Variants in ALPK1 observed in about 807,000 individuals in gnomAD.
ALPK1 encodes alpha-protein kinase 1.
ALPK1 carries 110 observed loss-of-function variants against 120.6 expected under a neutral mutation model. That is an observed-to-expected ratio of 0.91 (90% CI 0.78 to 1.07). The LOEUF is 1.07. Among genes scored for constraint, ALPK1 ranks in the 50% least tolerant of loss-of-function variants. ALPK1 has a pLI of 0.00. For synonymous variants in ALPK1, 582 were observed against 560.3 expected (o/e 1.04, Z -0.55); for missense variants, 1,498 against 1,483.9 (o/e 1.01, Z -0.16).
chr4:112,431,056 G>C lies in ALPK1; in HGVS notation c.1509G>C (p.Val503=). ...LKTEIKNIDT[V]STTQEKPHCQ... is the part of the protein sequence containing the mutation. ...CAGAAATAAAAAACATAGATACTGT[G>C]AGTACTACTCAAGAAAAGCCACATT... Residue 503 remains valine (V), a synonymous_variant, in exon 11 of 16, where the codon GTG becomes GTC. Coordinates refer to ENST00000650871, the MANE Select transcript of ALPK1 (RefSeq NM_025144.4). 1 of 1,614,178 alleles carries C rather than the reference G, an allele frequency of 6.2e-7. No homozygotes were observed. Among genetic ancestry groups the C allele is most frequent in the Non-Finnish European group, 8.5e-7 (1 of 1,180,032 alleles).
At chr4:112,344,031 T>C (rs1729996038) in intron 2 of ALPK1, among the ~76,000 whole-genome samples, 1 of 152,226 alleles carries the variant, frequency 6.6e-6, no homozygotes, top group Non-Finnish European at 1.5e-5. Flanking sequence ...TTGGTGCATA[T>C]TAACAAGAAA....
At chr4:112,349,924 A>G (rs913599194) in intron 2 of ALPK1, among the ~76,000 whole-genome samples, 1 of 152,160 alleles carries the variant, frequency 6.6e-6, no homozygotes, top group African/African-American at 2.4e-5. Context: ...TAAGCATGGT[A>G]TTTTAGGCTC....
chr4:112,390,528 T>A (rs1338883334), intron 4 of ALPK1, among the ~76,000 whole-genome samples: 1 of 152,224 alleles, frequency 6.6e-6, no homozygotes, highest in African/African-American at 2.4e-5. Flanking sequence ...CAGGGCCTTA[T>A]CTGTGTTCAC....
At chr4:112,429,663 G>A (rs1490226101) in intron 10 of ALPK1, among the ~76,000 whole-genome samples, 1 of 151,990 alleles carries the variant, frequency 6.6e-6, no homozygotes, top group African/African-American at 2.4e-5. Context: ...GTGAGACTTT[G>A]TCTCTACAAA....
intron 2 of ALPK1, among the ~76,000 whole-genome samples, chr4:112,336,749 C>T (rs1445043709): frequency 1.3e-5 from 2 of 152,010 alleles, no homozygotes; most frequent in East Asian, 3.8e-4. Context: ...TTATGCTGGC[C>T]TTATAAAATG....
chr4:112,298,956 C>A (rs894888478), intron 1 of ALPK1, among the ~76,000 whole-genome samples: 9 of 152,084 alleles, frequency 5.9e-5, no homozygotes, highest in Non-Finnish European at 1.0e-4. Flanking sequence ...AGAATGATGG[C>A]TTTTTGGCAT....
At chr4:112,433,932 C>G (rs73841030) in intron 11 of ALPK1, among the ~76,000 whole-genome samples, 138 of 152,272 alleles carry the variant, frequency 9.1e-4, no homozygotes, top group African/African-American at 3.1e-3. Context: ...CTTATCACCT[C>G]TCTGGTGATT....
chr4:112,408,203 C>T (rs191027081), intron 4 of ALPK1, among the ~76,000 whole-genome samples: 1 of 152,174 alleles, frequency 6.6e-6, no homozygotes, highest in African/African-American at 2.4e-5. Flanking sequence ...TATCTGAGTA[C>T]CCCCCAAGGT....
At chr4:112,345,957 G>T (rs149715045) in intron 2 of ALPK1, among the ~76,000 whole-genome samples, 4 of 152,242 alleles carry the variant, frequency 2.6e-5, no homozygotes, top group Non-Finnish European at 5.9e-5. Flanking sequence ...TTTGTCTCCC[G>T]GGTTCAAGCA....
intron 4 of ALPK1, among the ~76,000 whole-genome samples, chr4:112,407,120 A>T (rs1211486865): frequency 6.6e-6 from 1 of 152,220 alleles, no homozygotes; most frequent in African/African-American, 2.4e-5. Context: ...CTTCACCCTT[A>T]CAGTAGAATG....
At chr4:112,428,715 G>A (rs1734385504) in intron 9 of ALPK1, among the ~76,000 whole-genome samples, 1 of 152,152 alleles carries the variant, frequency 6.6e-6, no homozygotes, top group Admixed American at 6.5e-5. Flanking sequence ...GCTCCTTGAG[G>A]GCTCACTGTC....
intron 1 of ALPK1, among the ~76,000 whole-genome samples, chr4:112,300,041 T>A (rs1240995418): frequency 1.3e-5 from 2 of 152,138 alleles, no homozygotes; most frequent in Non-Finnish European, 2.9e-5. Context: ...GGGGAAATAA[T>A]TCTAGACAAG....
At chr4:112,358,129 C>G in intron 2 of ALPK1, 2 of 606,312 alleles carry the variant, frequency 3.3e-6, no homozygotes, top group Non-Finnish European at 3.1e-6. Flanking sequence ...GGGCTGGGGG[C>G]CAGTTCCTCT....
intron 1 of ALPK1, among the ~76,000 whole-genome samples, chr4:112,313,337 A>G (rs959430695): frequency 2.0e-4 from 31 of 152,204 alleles, no homozygotes; most frequent in African/African-American, 7.0e-4. Flanking sequence ...ACAGGAGGAA[A>G]ACCAAGAGAG....
At chr4:112,374,631 T>TATGATCATTC (rs1268470377) in intron 2 of ALPK1, among the ~76,000 whole-genome samples, 1 of 152,224 alleles carries the variant, frequency 6.6e-6, no homozygotes, top group African/African-American at 2.4e-5. Context: ...CACTATAAGC[T>TATGATCATTC]ATAGCCTTAT....
chr4:112,357,946 G>A, intron 2 of ALPK1: 1 of 801,534 alleles, frequency 1.2e-6, no homozygotes. Flanking sequence ...AGCAAGGATT[G>A]CCTCCCCCGG....
chr4:112,425,518 A>G (rs1160555429), intron 6 of ALPK1, 147 bp from the exon 7 acceptor site: 20 of 620,184 alleles, frequency 3.2e-5, no homozygotes, highest in South Asian at 9.4e-5. Context: ...GACTACAGCA[A>G]GAAGTTTGGA....
At chr4:112,301,905 C>A (rs1173043087) in intron 1 of ALPK1, among the ~76,000 whole-genome samples, 2 of 152,052 alleles carry the variant, frequency 1.3e-5, no homozygotes, top group Non-Finnish European at 2.9e-5. Context: ...CATTTTCACC[C>A]CATATCCTCC....
At chr4:112,421,706 C>T (rs188322517) in intron 5 of ALPK1, among the ~76,000 whole-genome samples, 50 of 152,234 alleles carry the variant, frequency 3.3e-4, no homozygotes, top group Non-Finnish European at 6.3e-4. Flanking sequence ...TTCTACCCAC[C>T]GATTTAATGC....
Sources: gnomAD v4.1 joint callset for allele counts (sites outside exome capture counted in the v4.1 genomes callset) on GRCh38, gnomAD v4.1.1 for gene constraint, MANE v1.5 for transcripts, NCBI Gene and HGNC (gene_info 2026-07-23, HGNC 2026-07-21) for gene names.